Variants in GMEB1 observed in about 807,000 individuals in gnomAD.
GMEB1 encodes the protein glucocorticoid modulatory element binding protein 1, also known as glucocorticoid modulatory element-binding protein 1.
Under a neutral mutation model 52.4 loss-of-function variants are expected in GMEB1, and 6 were observed. That is an observed-to-expected ratio of 0.11 (90% CI 0.06 to 0.23). The LOEUF (loss-of-function observed/expected upper bound fraction) is 0.23. GMEB1 is among the 10% of genes least tolerant of loss of function. The probability of loss-of-function intolerance (pLI) is 1.00; values close to 1 mark genes in which losing one functional copy is unlikely to be tolerated. For missense variants in GMEB1, 486 were observed against 685.6 expected (o/e 0.71, Z 3.25); for synonymous variants, 255 against 244.9 (o/e 1.04, Z -0.38).
chr1:28,690,079 T>G, intron 2 of GMEB1, 25 bp from the exon 3 acceptor site: 1 of 1,555,124 alleles, frequency 6.4e-7, no homozygotes, highest in South Asian at 1.2e-5. Flanking sequence ...TGTAGTTTGT[T>G]TATCGATGGA....
At chr1:28,709,944 C>T (rs1038346262) in intron 8 of GMEB1, among the ~76,000 whole-genome samples, 35 of 151,956 alleles carry the variant, frequency 2.3e-4, no homozygotes, top group African/African-American at 7.7e-4. Context: ...GTCAGGAGTT[C>T]GAGACCAGCC....
At chr1:28,683,094 G>A (rs370073800) in intron 1 of GMEB1, among the ~76,000 whole-genome samples, 4 of 152,068 alleles carry the variant, frequency 2.6e-5, no homozygotes, top group African/African-American at 7.2e-5. Context: ...CTGTTGAGGC[G>A]TTTCTGGAAG....
chr1:28,669,268 C>G (rs975456738), intron 1 of GMEB1, among the ~76,000 whole-genome samples: 3 of 151,756 alleles, frequency 2.0e-5, no homozygotes, highest in Non-Finnish European at 4.4e-5. Context: ...AGGACCCCAT[C>G]GAGGGGTCCG....
At chr1:28,709,113 G>A (rs1377128970) in intron 8 of GMEB1, among the ~76,000 whole-genome samples, 1 of 144,378 alleles carries the variant, frequency 6.9e-6, no homozygotes, top group Non-Finnish European at 1.5e-5. Flanking sequence ...CAGCCTGGGC[G>A]ACAGAGCAAG....
At chr1:28,702,639 C>T (rs550271769) in intron 7 of GMEB1, 70 bp downstream of exon 7, 29 of 1,372,850 alleles carry the variant, frequency 2.1e-5, no homozygotes, top group South Asian at 6.2e-5. Context: ...ATTATGGACA[C>T]GGAAGACCTC....
chr1:28,689,512 CCAGCTACTCG>C (rs1669853433), intron 2 of GMEB1, among the ~76,000 whole-genome samples: 1 of 152,084 alleles, frequency 6.6e-6, no homozygotes, highest in African/African-American at 2.4e-5. Flanking sequence ...TCCTGTAGTC[CCAGCTACTCG>C]GGAGGCTGAG....
At chr1:28,702,706 A>T (rs2124557571) in intron 7 of GMEB1, 137 bp downstream of exon 7, 1 of 682,526 alleles carries the variant, frequency 1.5e-6, no homozygotes, top group East Asian at 3.0e-5. Flanking sequence ...AGCTACAAAC[A>T]TCCTACTTTA....
At position 28,716,897 on chromosome 1, in the gene GMEB1, C is replaced by T. The variant is rs900001896; in HGVS notation, c.*2124C>T. ...TTTATTTCTTTGATTGCATTGTTTA[C>T]TGCACTAGGAAAAATATAGAGATAC... On this transcript the variant is annotated 3_prime_UTR_variant, in exon 10 of 10. Transcript: ENST00000373816. 6.6e-6 allele frequency: 1 copy of T among 151,692 alleles called. No homozygotes were observed. The highest frequency in any genetic ancestry group is 1.5e-5 in the Non-Finnish European group (1 of 67,986). The allele number at this position is 151,692 out of a possible 1,614,324, so 9.4% of individuals were successfully genotyped here. A position where few individuals can be genotyped will look rare whatever the true frequency, so the allele number is the denominator to read the frequency against.
At chr1:28,678,951 G>T (rs150140527) in intron 1 of GMEB1, among the ~76,000 whole-genome samples, 4 of 151,480 alleles carry the variant, frequency 2.6e-5, no homozygotes, top group Non-Finnish European at 5.9e-5. Context: ...TCGCTCTGTC[G>T]CCAGGCTGGA....
chr1:28,705,099 A>C (rs1557519048), intron 8 of GMEB1, among the ~76,000 whole-genome samples: 1 of 151,150 alleles, frequency 6.6e-6, no homozygotes, highest in African/African-American at 2.4e-5. Flanking sequence ...AAAAAAAAAA[A>C]AAACACAGGC....
intron 5 of GMEB1, among the ~76,000 whole-genome samples, chr1:28,694,485 T>C (rs376470207): frequency 4.2e-4 from 62 of 149,394 alleles, no homozygotes; most frequent in African/African-American, 1.4e-3. Context: ...TGAGCCACCA[T>C]GCCTGGCCTA....
intron 1 of GMEB1, among the ~76,000 whole-genome samples, chr1:28,675,162 C>T (rs1380155810): frequency 1.3e-5 from 2 of 151,606 alleles, no homozygotes; most frequent in African/African-American, 4.9e-5. Context: ...GGACTACAGG[C>T]GTGCGCTACC....
Position 28,694,621 on chromosome 1 carries a change from CAG to C in GMEB1, c.440+1577_440+1578del, listed in dbSNP as rs1196677797. ...CAGCCCTCCAAAGTAGGTTGGACTA[CAG>C]GTGTGAGCCAGTGTGGCCAGCTGAA... On this transcript the variant is annotated intron_variant, in intron 5 of 9. Coordinates refer to ENST00000373816, the MANE Select transcript of GMEB1 (RefSeq NM_001319674.2). 4.6e-5 allele frequency among the ~76,000 whole-genome samples: 7 copies of C among 151,782 alleles called. No individual in the cohort carries two copies. The East Asian group carries it at 1.4e-3, about 29-fold the overall frequency.
At chr1:28,706,145 G>T (rs1375938367) in intron 8 of GMEB1, among the ~76,000 whole-genome samples, 1 of 148,036 alleles carries the variant, frequency 6.8e-6, no homozygotes. Context: ...AAGAGCGAGA[G>T]ACTCCATCTC....
intron 1 of GMEB1, among the ~76,000 whole-genome samples, chr1:28,681,299 C>T (rs560833002): frequency 6.6e-6 from 1 of 151,994 alleles, no homozygotes; most frequent in East Asian, 1.9e-4. Flanking sequence ...ACCTGGGAGG[C>T]AGAGGTTGCA....
chr1:28,710,779 A>T (rs761833123), intron 9 of GMEB1, 137 bp downstream of exon 9: 6 of 501,772 alleles, frequency 1.2e-5, no homozygotes, highest in Non-Finnish European at 1.6e-5. Flanking sequence ...TAAAAAAAAA[A>T]GCCGCAGATG....
At chr1:28,673,569 A>G (rs1669001127) in intron 1 of GMEB1, among the ~76,000 whole-genome samples, 2 of 152,172 alleles carry the variant, frequency 1.3e-5, no homozygotes, top group South Asian at 4.1e-4. Context: ...ACTTGTCCTT[A>G]TTCAAACATA....
chr1:28,704,764 C>T (rs1670668858), intron 8 of GMEB1, among the ~76,000 whole-genome samples: 1 of 152,106 alleles, frequency 6.6e-6, no homozygotes, highest in African/African-American at 2.4e-5. Context: ...CCCACCACCA[C>T]ATCCGGCTAA....
intron 8 of GMEB1, among the ~76,000 whole-genome samples, chr1:28,705,806 G>A (rs1670731041): frequency 6.6e-6 from 1 of 151,646 alleles, no homozygotes; most frequent in African/African-American, 2.4e-5. Flanking sequence ...TGTCCACTAT[G>A]TGTATGTATA....
Sources: allele counts gnomAD v4.1 joint callset (sites outside exome capture counted in the v4.1 genomes callset), GRCh38; gene constraint gnomAD v4.1.1; transcripts MANE v1.5; gene names NCBI Gene and HGNC (gene_info 2026-07-23, HGNC 2026-07-21).